The following FCSK variants were observed in gnomAD, a reference collection of about 807,000 sequenced individuals.
FCSK encodes the protein L-fucose kinase.
FCSK carries 123 observed loss-of-function variants against 122.5 expected under a neutral mutation model. The observed-to-expected ratio is 1.00, with a 90% CI of 0.87 to 1.17. The LOEUF (loss-of-function observed/expected upper bound fraction) is 1.17, where lower values mean the gene tolerates loss of function less well. FCSK is among the 50% of genes most tolerant of loss of function. The probability of loss-of-function intolerance (pLI) is 0.00; values close to 1 mark genes in which losing one functional copy is unlikely to be tolerated. For missense variants in FCSK, 1,366 were observed against 1,450.4 expected, an observed-to-expected ratio of 0.94 and a Z score of 0.95; for synonymous variants, 620 against 625.5, an observed-to-expected ratio of 0.99 and a Z score of 0.13.
At chr16:70,478,096 A>G (rs2048870722) in intron 20 of FCSK, 176 bp from the exon 21 acceptor site, 2 of 628,794 alleles carry the variant, frequency 3.2e-6, no homozygotes, top group Admixed American at 3.0e-5. Flanking sequence ...AGTGAAGCCC[A>G]TTCCCTTGCT....
chr16:70,462,261 C>CCTTGGTCT (rs2048290408), intron 1 of FCSK: 1 of 152,418 alleles, frequency 6.6e-6, no homozygotes, highest in Non-Finnish European at 1.5e-5. Context: ...AGTCCTCCCA[C>CCTTGGTCT]CTTGGTCTTC....
chr16:70,462,000 A>G (rs1246282849), intron 1 of FCSK, among the ~76,000 whole-genome samples: 1 of 152,252 alleles, frequency 6.6e-6, no homozygotes, highest in East Asian at 1.9e-4. Context: ...ATGGAGAAAC[A>G]GATGCGGCCC....
At chr16:70,470,927 C>G in intron 11 of FCSK, 44 bp from the exon 12 acceptor site, 1 of 1,511,986 alleles carries the variant, frequency 6.6e-7, no homozygotes, top group African/African-American at 1.4e-5. Context: ...TGGGGCAGCC[C>G]TGGGCCTCGA....
chr16:70,455,200 C>A (rs540832375), intron 1 of FCSK, among the ~76,000 whole-genome samples: 1 of 152,328 alleles, frequency 6.6e-6, no homozygotes, highest in South Asian at 2.1e-4. Flanking sequence ...TCAAAAGGTT[C>A]ATATGAAGAG....
chr16:70,479,525 C>T, intron 23 of FCSK, 54 bp from the exon 24 acceptor site: 1 of 1,549,100 alleles, frequency 6.5e-7, no homozygotes, highest in Non-Finnish European at 8.8e-7. Context: ...AGTCCAGCCT[C>T]CAGAAGGCCT....
intron 22 of FCSK, 118 bp from the exon 23 acceptor site, chr16:70,479,062 A>C: frequency 1.2e-6 from 1 of 805,672 alleles, no homozygotes; most frequent in African/African-American, 1.7e-5. Context: ...CCGGCACTGG[A>C]ATCCGGCTTC....
At position 70,463,912 on chromosome 16, in the gene FCSK, G is replaced by A. The variant is rs142135391; in HGVS notation, c.234+138G>A. On this transcript the variant is annotated intron_variant, in intron 3 of 23. Transcript: ENST00000288078. ...CAGTTTTTGTTTCTGTAAATTGGGC[G>A]GACTCATCTCTGCCTTGCCGTTCAA... 1.8e-4 allele frequency: 173 copies of A among 944,872 alleles called. 1 individual carries two copies. In the African/African-American group the frequency reaches 2.5e-3, roughly 13 times the overall value. 58.5% of individuals were successfully genotyped at this position (944,872 alleles called of 1,614,324 possible).
In FCSK at chr16:70,474,511, C is replaced by T. The variant is rs1174502555; in HGVS notation, c.1989-17C>T. On this transcript the variant is annotated splice_polypyrimidine_tract_variant and intron_variant, in intron 16 of 23. Transcript: ENST00000288078. ...CTTGGGGCTGCATGCCACCATCCCT[C>T]CCCCTTCTCTTGGCAGGCCAGCCTT... is the stretch of plus-strand genomic sequence containing the variant. 7.1e-6 allele frequency: 11 copies of T among 1,546,888 alleles called. No homozygotes were observed.
chr16:70,462,090 G>A (rs567563218), intron 1 of FCSK: 1 of 152,224 alleles, frequency 6.6e-6, no homozygotes, highest in Non-Finnish European at 1.5e-5. Flanking sequence ...CATCTCAGAG[G>A]CATCATGTTG....
chr16:70,459,357 T>C (rs2151699332), intron 1 of FCSK, among the ~76,000 whole-genome samples: 1 of 151,880 alleles, frequency 6.6e-6, no homozygotes, highest in Non-Finnish European at 1.5e-5. Context: ...GCCAACATGG[T>C]GAAACCCTGT....
At position 70,474,311 on chromosome 16, in the gene FCSK, G is replaced by C. The variant is rs758419137; in HGVS notation, c.1960G>C (p.Ala654Pro). The change falls in exon 16 of 24, where the codon GCC becomes CCC. Residue 654 changes from alanine (A) to proline (P), a missense_variant. Physicochemically the swap from Ala to Pro is conservative, Grantham distance 27. Transcript: ENST00000288078. ...CCTGGCAGCGGGCGTGGAGGCGCTT[G>C]CCCAGGAGAGGGACAAGTGGCTAAG... ...GDLAAGVEALAQERDKWLSRP... is the reference protein window; with the variant it reads ...GDLAAGVEALPQERDKWLSRP... The C allele has an allele frequency of 1.7e-5, 28 of 1,613,490 alleles. No homozygotes were observed. The highest frequency in any genetic ancestry group is 2.4e-5 in the Non-Finnish European group (28 of 1,179,966).
At chr16:70,471,129 TG>T (rs1301179187) in intron 12 of FCSK, 52 bp from the exon 13 acceptor site, 9 of 1,589,842 alleles carry the variant, frequency 5.7e-6, no homozygotes, top group Admixed American at 5.1e-5. Context: ...CCGCATGTGT[TG>T]GGGGGTGTTG....
In FCSK at chr16:70,466,973, G is replaced by C. The variant is rs2048438568; in HGVS notation, c.484+19G>C. On this transcript the variant is annotated intron_variant, in intron 6 of 23. Transcript: ENST00000288078. The stretch of plus-strand genomic sequence containing the variant: ...AATCCTGGTGAGCCTGAGACTACCT[G>C]GGACTGCCTTCCTTCGTCACAGCCA... 1.2e-6 allele frequency: 2 copies of C among 1,610,818 alleles called. No homozygotes were observed. The highest frequency in any genetic ancestry group is 2.7e-5 in the African/African-American group (2 of 74,886).
chr16:70,462,793 C>G (rs952935596), intron 1 of FCSK, among the ~76,000 whole-genome samples: 1 of 151,604 alleles, frequency 6.6e-6, no homozygotes, highest in Non-Finnish European at 1.5e-5. Flanking sequence ...TACAGGCATG[C>G]CCCGCCACAC....
chr16:70,465,123 C>T lies in FCSK; in HGVS notation c.235-3C>T, dbSNP rs1383405568. 2 of 1,613,704 alleles carry T rather than the reference C, an allele frequency of 1.2e-6. No individual in the cohort carries two copies. The highest frequency in any genetic ancestry group is 2.7e-5 in the African/African-American group (2 of 74,920). On this transcript the variant is annotated splice_polypyrimidine_tract_variant and splice_region_variant and intron_variant, in intron 3 of 23. Coordinates refer to ENST00000288078, the MANE Select transcript of FCSK (RefSeq NM_145059.3). ...TGTTCACAGGGCTTTCCCACTCCTG[C>T]AGGTGGTCACATCCGATGTCCTGCA... is the stretch of plus-strand genomic sequence containing the variant.
intron 1 of FCSK, among the ~76,000 whole-genome samples, chr16:70,459,838 C>T (rs1054171520): frequency 1.3e-5 from 2 of 150,770 alleles, no homozygotes; most frequent in African/African-American, 4.9e-5. Context: ...TTTTGCTCTT[C>T]TTGCCCAGGC....
chr16:70,456,174 CAAAAA>C (rs2048089767), intron 1 of FCSK, among the ~76,000 whole-genome samples: 1 of 152,124 alleles, frequency 6.6e-6, no homozygotes, highest in Admixed American at 6.6e-5. Context: ...CCCTGTTTCT[CAAAAA>C]CAAAACAAAA....
In FCSK at chr16:70,463,759, C is replaced by T; in HGVS notation, c.219C>T (p.Ala73=). ...TGGTGGCTGCTGAACACCTGAGTGC[C>T]CGGGCAGGCTTCACTGTGAGTGCTC... ...ALLVAAEHLS[A]RAGFTVVTSD... Residue 73 remains alanine, a synonymous_variant, in exon 3 of 24, where the codon GCC becomes GCT. Transcript: ENST00000288078. The T allele has an allele frequency of 6.2e-7, 1 of 1,610,688 alleles. No individual in the cohort carries two copies.
intron 1 of FCSK, among the ~76,000 whole-genome samples, chr16:70,458,501 C>G (rs2048164103): frequency 6.6e-6 from 1 of 151,780 alleles, no homozygotes; most frequent in Admixed American, 6.6e-5. Context: ...GAATCTCACT[C>G]TGTCGCCCAG....
Sources: allele counts gnomAD v4.1 joint callset (sites outside exome capture counted in the v4.1 genomes callset), GRCh38; gene constraint gnomAD v4.1.1; transcripts MANE v1.5; gene names NCBI Gene and HGNC (gene_info 2026-07-23, HGNC 2026-07-21).